Variants in PTK2 observed in about 807,000 individuals in gnomAD.
PTK2 encodes protein tyrosine kinase 2.
Under a neutral mutation model 150.1 loss-of-function variants are expected in PTK2, and 45 were observed. The ratio of observed to expected loss-of-function variants is 0.30; its 90% CI spans 0.24 to 0.38. The LOEUF is 0.38. Ranked by LOEUF, PTK2 falls within the 10% of genes least tolerant of loss-of-function variation. The probability of loss-of-function intolerance (pLI) is 1.00; values close to 1 mark genes in which losing one functional copy is unlikely to be tolerated. For synonymous variants in PTK2, 432 were observed against 449.2 expected (o/e 0.96, Z 0.48); for missense variants, 919 against 1,307.3 (o/e 0.70, Z 4.58).
chr8:140,857,544 C>T (rs552303185), intron 5 of PTK2, among the ~76,000 whole-genome samples: 24 of 152,260 alleles, frequency 1.6e-4, no homozygotes, highest in Admixed American at 3.9e-4. Context: ...AACAATTATT[C>T]TTACATTACT....
chr8:140,829,212 T>G (rs1179765568), intron 8 of PTK2, among the ~76,000 whole-genome samples: 5 of 152,256 alleles, frequency 3.3e-5, no homozygotes, highest in Admixed American at 6.5e-5. Flanking sequence ...GAATGCATTG[T>G]GTTTTAAAGC....
intron 1 of PTK2, chr8:140,948,553 T>C (rs1227148964): frequency 2.0e-5 from 3 of 151,856 alleles, no homozygotes; most frequent in Non-Finnish European, 4.4e-5. Flanking sequence ...CAATAAGTAA[T>C]GCAGGAAGAG....
chr8:140,717,857 G>A, intron 22 of PTK2, 148 bp from the exon 26 acceptor site: 2 of 588,722 alleles, frequency 3.4e-6, no homozygotes, highest in Non-Finnish European at 6.1e-6. Flanking sequence ...AGAAGGATCA[G>A]GTTTCTAACT....
At chr8:140,996,403 T>C (rs1020461162) in intron 1 of PTK2, among the ~76,000 whole-genome samples, 8 of 152,364 alleles carry the variant, frequency 5.3e-5, no homozygotes, top group African/African-American at 1.9e-4. Flanking sequence ...AGATCACTGA[T>C]GAAGGTGGCT....
chr8:140,920,829 C>T, intron 2 of PTK2: 3 of 1,520,886 alleles, frequency 2.0e-6, no homozygotes, highest in South Asian at 1.2e-5. Context: ...GCCCAACACA[C>T]TGGAAATGGA....
chr8:140,695,747 G>A (rs566540042), intron 26 of PTK2, among the ~76,000 whole-genome samples: 1 of 152,206 alleles, frequency 6.6e-6, no homozygotes, highest in Non-Finnish European at 1.5e-5. Context: ...ATCTTGAAAA[G>A]CATTGCCAAG....
At chr8:140,926,341 C>G (rs944147299) in intron 1 of PTK2, among the ~76,000 whole-genome samples, 14 of 152,132 alleles carry the variant, frequency 9.2e-5, no homozygotes, top group Non-Finnish European at 1.5e-4. Context: ...GGCACTTGGA[C>G]ACCAGCCAGA....
Position 140,964,212 on chromosome 8 carries a change from T to C in PTK2, c.-122+36913A>G, listed in dbSNP as rs2100184400. ...GTTTCTACCACAGGATTTAGCCCAC[T>C]GAACTATAATCAATAATTTGCCTGT... is the stretch of plus-strand genomic sequence containing the variant. On this transcript the variant is annotated intron_variant, in intron 1 of 31. Transcript: ENST00000522684. Among the ~76,000 whole-genome samples, 3 of 152,148 alleles carry C rather than the reference T, an allele frequency of 2.0e-5. No homozygotes were observed. The South Asian group carries it at 6.2e-4, about 32-fold the overall frequency.
At chr8:140,916,825 G>C (rs2154608144) in intron 2 of PTK2, among the ~76,000 whole-genome samples, 1 of 152,292 alleles carries the variant, frequency 6.6e-6, no homozygotes, top group Middle Eastern at 3.4e-3. Context: ...TCAGAATCTT[G>C]CTCTGCCTTT....
chr8:140,754,283 T>A (rs1195033194), intron 16 of PTK2, among the ~76,000 whole-genome samples: 1 of 152,242 alleles, frequency 6.6e-6, no homozygotes, highest in Non-Finnish European at 1.5e-5. Context: ...ATACCCTATC[T>A]ACTAAATGTT....
At chr8:140,747,132 T>G in intron 17 of PTK2, 1 of 263,874 alleles carries the variant, frequency 3.8e-6, no homozygotes, top group Non-Finnish European at 7.2e-6. Context: ...CCTCATGATC[T>G]ACCCGCCTTG....
intron 1 of PTK2, among the ~76,000 whole-genome samples, chr8:140,976,947 A>G (rs1159299919): frequency 6.6e-6 from 1 of 152,214 alleles, no homozygotes; most frequent in Non-Finnish European, 1.5e-5. Flanking sequence ...CTACAATCCA[A>G]TTCTAGAAAT....
At chr8:140,668,776 T>C (rs557365676) in intron 29 of PTK2, 1 of 183,668 alleles carries the variant, frequency 5.4e-6, no homozygotes, top group East Asian at 1.5e-4. Flanking sequence ...TACTGAATTT[T>C]AGACAAAATT....
chr8:140,874,317 G>GCA (rs2154606905), intron 4 of PTK2, among the ~76,000 whole-genome samples: 1 of 152,304 alleles, frequency 6.6e-6, no homozygotes, highest in East Asian at 1.9e-4. Flanking sequence ...ATAGCAGATA[G>GCA]CACAAAAGAA....
intron 4 of PTK2, 53 bp from the exon 5 acceptor site, chr8:140,864,452 TAC>T (rs780450851): frequency 1.9e-6 from 2 of 1,066,258 alleles, no homozygotes; most frequent in Non-Finnish European, 2.8e-6. Context: ...TTTCTCAATT[TAC>T]AGTCTACAAT....
chr8:140,740,914 G>A (rs1301270355), intron 20 of PTK2, among the ~76,000 whole-genome samples: 2 of 152,060 alleles, frequency 1.3e-5, no homozygotes, highest in Admixed American at 6.6e-5. Flanking sequence ...AGGCCAAGGT[G>A]GGAAGATCGC....
intron 10 of PTK2, among the ~76,000 whole-genome samples, chr8:140,813,917 TTAATA>T (rs912766989): frequency 4.0e-5 from 6 of 151,714 alleles, no homozygotes; most frequent in African/African-American, 1.2e-4. Context: ...ACTACCCAGA[TTAATA>T]AAGAAGAGAG....
chr8:140,995,731 T>C (rs1340062786), intron 1 of PTK2, among the ~76,000 whole-genome samples: 4 of 151,956 alleles, frequency 2.6e-5, no homozygotes, highest in South Asian at 2.1e-4. Context: ...TGAGCCAACA[T>C]TGCATCACTG....
At chr8:140,773,865 C>T (rs528317561) in intron 14 of PTK2, among the ~76,000 whole-genome samples, 1 of 152,206 alleles carries the variant, frequency 6.6e-6, no homozygotes, top group African/African-American at 2.4e-5. Context: ...GAAAAAAATG[C>T]CTTTCAACAA....
Sources: allele counts gnomAD v4.1 joint callset (sites outside exome capture counted in the v4.1 genomes callset), GRCh38; gene constraint gnomAD v4.1.1; transcripts MANE v1.5; gene names NCBI Gene and HGNC (gene_info 2026-07-23, HGNC 2026-07-21).